The following ZNF345 variants were observed in gnomAD, a reference collection of about 807,000 sequenced individuals.
ZNF345 encodes zinc finger protein HZF10.
For synonymous variants in ZNF345, 166 were observed against 187.9 expected (o/e 0.88, Z 0.95); for missense variants, 527 against 589.9 (o/e 0.89, Z 1.10).
Position 36,878,074 on chromosome 19 carries a change from G to C in ZNF345, c.1244G>C (p.Arg415Pro), listed in dbSNP as rs780134126. ...KSFSSGSALNRHQRIHTGEKP... is the reference protein window; with the variant it reads ...KSFSSGSALNPHQRIHTGEKP... ...TTTAGTAGTGGTTCAGCTCTTAATC[G>C]GCACCAGAGAATACACACTGGTGAG... The change falls in exon 3 of 3, where the codon CGG (arginine) becomes CCG (proline). Residue 415 changes from arginine to proline, a missense_variant. Physicochemically the swap from Arg to Pro is moderately radical, Grantham distance 103. Coordinates refer to ENST00000420450, the MANE Select transcript of ZNF345 (RefSeq NM_001242472.2). 6.2e-7 allele frequency: 1 copy of C among 1,609,690 alleles called. No homozygotes were observed. Among genetic ancestry groups the C allele is most frequent in the African/African-American group, 1.4e-5 (1 of 73,522 alleles).
In ZNF345 at chr19:36,892,763, A is replaced by G. The variant is rs935315487; in HGVS notation, c.47-55A>G. On this transcript the variant is annotated intron_variant, in intron 3 of 3. Transcript: ENST00000526123. ...TACACAGTGTTCAGCACCATCCTCC[A>G]TATTATAGAGAGATTCTAATTAAAA... The G allele has an allele frequency of 1.7e-5, 8 of 478,264 alleles. 1 individual carries two copies. The South Asian group carries it at 5.2e-4, about 31-fold the overall frequency. The allele number at this position is 478,264 out of a possible 1,614,324, so 29.6% of individuals were successfully genotyped here.
At chr19:36,863,387 C>T (rs774522162) in intron 2 of ZNF345, among the ~76,000 whole-genome samples, 1 of 152,300 alleles carries the variant, frequency 6.6e-6, no homozygotes, top group South Asian at 2.1e-4. Context: ...GGGTTTTCAA[C>T]CAGAGGAAAA....
intron 3 of ZNF345, chr19:36,889,073 A>C (rs551954572): frequency 6.6e-6 from 1 of 152,184 alleles, no homozygotes; most frequent in East Asian, 1.9e-4. Context: ...GCTTATTTTT[A>C]ATTCTGTGTA....
intron 3 of ZNF345, among the ~76,000 whole-genome samples, chr19:36,887,569 A>C (rs2073009652): frequency 6.6e-6 from 1 of 152,162 alleles, no homozygotes; most frequent in Non-Finnish European, 1.5e-5. Flanking sequence ...ATTATTTATA[A>C]ATAGTCATTC....
chr19:36,883,415 T>C (rs775677222), downstream of ZNF345, among the ~76,000 whole-genome samples: 18 of 152,366 alleles, frequency 1.2e-4, no homozygotes, highest in Non-Finnish European at 2.4e-4. Flanking sequence ...TAATTGTTCC[T>C]TGGTGATTTC....
chr19:36,889,781 T>C (rs781767992), intron 3 of ZNF345: 12 of 152,200 alleles, frequency 7.9e-5, no homozygotes, highest in Admixed American at 6.5e-5. Context: ...CCTGCTCTGA[T>C]ATTTGTTATT....
chr19:36,871,160 G>T (rs898757692), intron 2 of ZNF345, among the ~76,000 whole-genome samples: 5 of 152,144 alleles, frequency 3.3e-5, no homozygotes, highest in African/African-American at 1.2e-4. Flanking sequence ...TTCTCTCTTT[G>T]TCCTCACATA....
intron 2 of ZNF345, among the ~76,000 whole-genome samples, chr19:36,852,614 A>AAG (rs1280704231): frequency 6.6e-6 from 1 of 151,992 alleles, no homozygotes; most frequent in African/African-American, 2.4e-5. Flanking sequence ...TCAAAAAAAA[A>AAG]AAAAAAAAGT....
chr19:36,875,496 C>T (rs867371665), intron 2 of ZNF345, among the ~76,000 whole-genome samples: 37 of 151,806 alleles, frequency 2.4e-4, no homozygotes, highest in Middle Eastern at 3.2e-3. Flanking sequence ...GTGGGGGGTG[C>T]AGGGAGGGAT....
chr19:36,886,413 G>A (rs2072996780), intron 3 of ZNF345, among the ~76,000 whole-genome samples: 1 of 152,194 alleles, frequency 6.6e-6, no homozygotes, highest in African/African-American at 2.4e-5. Flanking sequence ...TGATATCTAT[G>A]AGGAAAATGG....
Position 36,878,430 on chromosome 19 carries a change from T to C in ZNF345, c.*133T>C. ...AGGTTAGTCAGTCTAAGAATATTTA[T>C]ACAGGAAAAAAATCACCCCAAATAA... On this transcript the variant is annotated 3_prime_UTR_variant, in exon 3 of 3. Coordinates refer to ENST00000420450, the MANE Select transcript of ZNF345 (RefSeq NM_001242472.2). The C allele has an allele frequency of 1.4e-6, 1 of 712,020 alleles. No individual in the cohort carries two copies. Among genetic ancestry groups the C allele is most frequent in the South Asian group, 4.2e-5 (1 of 23,984 alleles). The allele number at this position is 712,020 out of a possible 1,614,324, so 44.1% of individuals were successfully genotyped here.
intron 2 of ZNF345, among the ~76,000 whole-genome samples, chr19:36,876,250 C>T (rs1208586341): frequency 1.3e-5 from 2 of 152,198 alleles, no homozygotes; most frequent in Non-Finnish European, 2.9e-5. Flanking sequence ...CATTGGGAAA[C>T]TGCTCTTTGT....
downstream of ZNF345, among the ~76,000 whole-genome samples, chr19:36,893,212 A>G (rs1763507793): frequency 6.6e-6 from 1 of 152,204 alleles, no homozygotes; most frequent in African/African-American, 2.4e-5. Flanking sequence ...TATGCTGAAC[A>G]CAACTGGTGG....
chr19:36,862,022 G>A (rs931148758), intron 2 of ZNF345, among the ~76,000 whole-genome samples: 1 of 151,732 alleles, frequency 6.6e-6, no homozygotes, highest in African/African-American at 2.4e-5. Flanking sequence ...CACCACACCT[G>A]GCTAATTTTT....
downstream of ZNF345, among the ~76,000 whole-genome samples, chr19:36,882,141 A>T (rs2072972227): frequency 6.7e-6 from 1 of 148,688 alleles, no homozygotes; most frequent in African/African-American, 2.5e-5. Flanking sequence ...ATATTTCACT[A>T]TTTTCTTTTT....
intron 2 of ZNF345, among the ~76,000 whole-genome samples, chr19:36,857,135 T>C (rs1169468343): frequency 2.0e-5 from 3 of 152,172 alleles, no homozygotes; most frequent in Non-Finnish European, 4.4e-5. Flanking sequence ...TGTAATGGCC[T>C]CATAGAGTTA....
At chr19:36,893,133 C>T (rs145002878), downstream of ZNF345, 1,755 of 396,242 alleles carry the variant, frequency 4.4e-3, 32 homozygotes, top group Non-Finnish European at 1.9e-3. Context: ...GTTTAAATGT[C>T]GGGGGCGGGT....
chr19:36,880,174 G>T (rs1335488321), downstream of ZNF345, among the ~76,000 whole-genome samples: 2 of 152,000 alleles, frequency 1.3e-5, no homozygotes, highest in Non-Finnish European at 1.5e-5. Flanking sequence ...ACAAAAATTA[G>T]CCAGGCATGG....
At chr19:36,868,281 C>T (rs939671970) in intron 2 of ZNF345, among the ~76,000 whole-genome samples, 7 of 152,166 alleles carry the variant, frequency 4.6e-5, no homozygotes, top group Admixed American at 2.0e-4. Context: ...GGATTACAGG[C>T]GTGAGCCACC....
Sources: gnomAD v4.1 joint callset for allele counts (sites outside exome capture counted in the v4.1 genomes callset) on GRCh38, gnomAD v4.1.1 for gene constraint, MANE v1.5 for transcripts, NCBI Gene and HGNC (gene_info 2026-07-23, HGNC 2026-07-21) for gene names.